The following A2M variants were observed in gnomAD, a reference collection of about 807,000 sequenced individuals.
A2M encodes the protein C3 and PZP-like alpha-2-macroglobulin domain-containing protein 5.
A neutral mutation model predicts 183.9 loss-of-function variants in A2M; 128 were observed. That is an observed-to-expected ratio of 0.70 (90% CI 0.60 to 0.81). A2M has a LOEUF of 0.81. Among genes scored for constraint, A2M ranks in the 30% least tolerant of loss-of-function variants. The pLI is 0.00. For missense variants in A2M, 1,495 were observed against 1,787.6 expected, an observed-to-expected ratio of 0.84 and a Z score of 2.95; for synonymous variants, 592 against 670.8, an observed-to-expected ratio of 0.88 and a Z score of 1.81.
At chr12:9,095,775 C>T (rs1019237859) in intron 15 of A2M, 75 bp from the exon 16 acceptor site, 12 of 1,008,180 alleles carry the variant, frequency 1.2e-5, no homozygotes, top group African/African-American at 7.4e-5. Context: ...TTTTTTGAGA[C>T]GGAGTCTCGC....
At chr12:9,087,961 C>A (rs1384654065) in intron 22 of A2M, among the ~76,000 whole-genome samples, 1 of 151,920 alleles carries the variant, frequency 6.6e-6, no homozygotes, top group South Asian at 2.1e-4. Context: ...GTTGAAAAAA[C>A]CAATATAGGA....
chr12:9,068,825 C>T lies in A2M; in HGVS notation c.4281G>A (p.Leu1427=). 1 of 1,602,162 alleles carries T rather than the reference C, an allele frequency of 6.2e-7. No homozygotes were observed. The highest frequency in any genetic ancestry group is 2.2e-5 in the East Asian group (1 of 44,732). The change falls in exon 34 of 36, where the codon CTG becomes CTA. Residue 1427 remains leucine, a synonymous_variant. Coordinates refer to ENST00000318602, the MANE Select transcript of A2M (RefSeq NM_000014.6). ...CTTGCAGAACCGTGAAGAACAAGCT[C>T]AGTGTCTGATTTGACACCTGGAAAG... ...IYLDKVSNQT[L]SLFFTVLQDV...
At chr12:9,085,744 A>G (rs753408472) in intron 22 of A2M, among the ~76,000 whole-genome samples, 121 of 152,182 alleles carry the variant, frequency 8.0e-4, no homozygotes, top group African/African-American at 2.9e-3. Context: ...ACAGACAAAA[A>G]CTTTTAGCTA....
In A2M at chr12:9,098,690, C is replaced by T; in HGVS notation, c.1768G>A (p.Ala590Thr). 6.2e-7 allele frequency: 1 copy of T among 1,612,120 alleles called. No individual in the cohort carries two copies. The highest frequency in any genetic ancestry group is 8.5e-7 in the Non-Finnish European group (1 of 1,179,408). The change falls in exon 15 of 36, where the codon GCT (alanine) becomes ACT (threonine). Residue 590 changes from alanine to threonine, a missense_variant. Transcript: ENST00000318602. ...CGGAGGGCGCAGACGGACTGAGGAG[C>T]CGCTGTGACTCGCAGGTGGGCGTGT... ...ASHAHLRVTA[A>T]PQSVCALRAV...
chr12:9,070,246 G>C (rs1458841284), intron 32 of A2M, among the ~76,000 whole-genome samples: 2 of 152,180 alleles, frequency 1.3e-5, no homozygotes, highest in Non-Finnish European at 2.9e-5. Flanking sequence ...TCTAAGCTAA[G>C]AAGAAATTGA....
At chr12:9,096,941 T>TG (rs1187956608) in intron 15 of A2M, among the ~76,000 whole-genome samples, 2 of 152,084 alleles carry the variant, frequency 1.3e-5, no homozygotes, top group Admixed American at 1.3e-4. Context: ...GTTGAATGAA[T>TG]GACCTACACT....
intron 14 of A2M, 64 bp downstream of exon 14, chr12:9,099,317 C>T: frequency 2.0e-6 from 3 of 1,486,716 alleles, no homozygotes; most frequent in Non-Finnish European, 2.8e-6. Context: ...ATGTGTAAAA[C>T]AAATGATAAC....
chr12:9,081,274 C>G (rs774310712), intron 22 of A2M, among the ~76,000 whole-genome samples: 1 of 151,846 alleles, frequency 6.6e-6, no homozygotes, highest in Non-Finnish European at 1.5e-5. Flanking sequence ...AAAACAACAG[C>G]AAAATTTTTT....
At chr12:9,105,339 A>T (rs1295804611) in intron 10 of A2M, among the ~76,000 whole-genome samples, 1 of 152,222 alleles carries the variant, frequency 6.6e-6, no homozygotes, top group African/African-American at 2.4e-5. Context: ...CAGCAATAAA[A>T]TGTACTTACA....
chr12:9,090,595 G>A (rs965106540), intron 19 of A2M, 113 bp from the exon 20 acceptor site: 2 of 1,123,114 alleles, frequency 1.8e-6, no homozygotes, highest in South Asian at 3.0e-5. Flanking sequence ...TCACATTAAA[G>A]ATGATATAAA....
intron 30 of A2M, 39 bp downstream of exon 30, chr12:9,072,614 T>G (rs762514137): frequency 1.9e-6 from 3 of 1,602,006 alleles, no homozygotes; most frequent in Non-Finnish European, 2.6e-6. Flanking sequence ...ACAGCTGCTG[T>G]CCTCATCTGT....
intron 26 of A2M, 110 bp from the exon 27 acceptor site, chr12:9,077,530 A>T: frequency 6.8e-7 from 1 of 1,463,098 alleles, no homozygotes; most frequent in Non-Finnish European, 9.4e-7. Context: ...ATCCATCCCT[A>T]TAGGGCAAAG....
chr12:9,109,313 G>A lies in A2M; in HGVS notation c.758+8C>T, dbSNP rs748095901. On this transcript the variant is annotated splice_region_variant and intron_variant, in intron 7 of 35. Transcript: ENST00000318602. ...CCCCCACAAAAGATTTTTAAAAAAT[G>A]AACTCACAGGCCACACACTGATACA... 1.2e-5 allele frequency: 19 copies of A among 1,602,698 alleles called. No individual in the cohort carries two copies. The highest frequency in any genetic ancestry group is 8.3e-5 in the Admixed American group (5 of 59,882).
intron 28 of A2M, among the ~76,000 whole-genome samples, chr12:9,075,921 T>G (rs1484749990): frequency 6.6e-6 from 1 of 152,218 alleles, no homozygotes; most frequent in East Asian, 1.9e-4. Context: ...GTATATCTAT[T>G]ATAAAATATT....
chr12:9,100,424 G>T lies in A2M; in HGVS notation c.1558+720C>A, dbSNP rs373827896. On this transcript the variant is annotated intron_variant, in intron 13 of 35. Coordinates refer to ENST00000318602, the MANE Select transcript of A2M (RefSeq NM_000014.6). ...TTATGTATTTTATTTTTCCCCCTTT[G>T]TTCTTATTTATTTATTTATTTATTT... Among the ~76,000 whole-genome samples the T allele has an allele frequency of 3.3e-5, 5 of 151,370 alleles. No homozygotes were observed. In the South Asian group the frequency reaches 6.3e-4, roughly 19 times the overall value.
At chr12:9,093,400 G>T in intron 18 of A2M, 65 bp downstream of exon 18, 1 of 1,094,738 alleles carries the variant, frequency 9.1e-7, no homozygotes, top group Non-Finnish European at 1.4e-6. Context: ...AGAAAAACTA[G>T]CAAAGAGTTG....
chr12:9,071,332 T>A (rs1948571086), intron 31 of A2M, among the ~76,000 whole-genome samples: 2 of 152,174 alleles, frequency 1.3e-5, no homozygotes, highest in African/African-American at 4.8e-5. Context: ...AACAAAACAC[T>A]TAGAAACACC....
chr12:9,074,183 C>T lies in A2M; in HGVS notation c.3756+377G>A, dbSNP rs958901021. On this transcript the variant is annotated intron_variant, in intron 29 of 35. Coordinates refer to ENST00000318602, the MANE Select transcript of A2M (RefSeq NM_000014.6). ...GGGGACCTAAGAATGGAGAGATTTG[C>T]GAGGAGAGGTTGTTGGATTTTGAGT... is the stretch of plus-strand genomic sequence containing the variant. Among the ~76,000 whole-genome samples the T allele has an allele frequency of 6.0e-5, 9 of 150,776 alleles. No individual in the cohort carries two copies. The East Asian group carries it at 1.2e-3, about 20-fold the overall frequency.
chr12:9,097,849 T>G (rs969059221), intron 15 of A2M, among the ~76,000 whole-genome samples: 2 of 152,174 alleles, frequency 1.3e-5, no homozygotes, highest in Admixed American at 6.5e-5. Flanking sequence ...GCCAGACTGG[T>G]CTCAAACTCC....
Sources: allele counts gnomAD v4.1 joint callset (sites outside exome capture counted in the v4.1 genomes callset), GRCh38; gene constraint gnomAD v4.1.1; transcripts MANE v1.5; gene names NCBI Gene and HGNC (gene_info 2026-07-23, HGNC 2026-07-21).